UBE2Q2: variants seen among roughly 807,000 people sequenced by gnomAD.
UBE2Q2 encodes ubiquitin-conjugating enzyme E2 Q2.
UBE2Q2 carries 54 observed loss-of-function variants against 59.9 expected under a neutral mutation model. The ratio of observed to expected loss-of-function variants is 0.90; its 90% CI spans 0.72 to 1.13. The LOEUF (loss-of-function observed/expected upper bound fraction) is 1.13. Ranked by LOEUF, UBE2Q2 falls within the 50% of genes most tolerant of loss-of-function variation. The pLI, the probability that UBE2Q2 is intolerant of heterozygous loss-of-function variation, is 0.00. For missense variants in UBE2Q2, 433 were observed against 441.9 expected, an observed-to-expected ratio of 0.98 and a Z score of 0.18; for synonymous variants, 165 against 155.2, an observed-to-expected ratio of 1.06 and a Z score of -0.47.
At chr15:75,853,740 A>G (rs536485011) in intron 1 of UBE2Q2, among the ~76,000 whole-genome samples, 298 of 152,194 alleles carry the variant, frequency 2.0e-3, no homozygotes, top group Non-Finnish European at 3.5e-3. Flanking sequence ...CAGGCAGCGA[A>G]GTTGTTGGTG....
chr15:75,890,290 C>T (rs1442329621), intron 9 of UBE2Q2, 145 bp from the exon 10 acceptor site: 2 of 614,316 alleles, frequency 3.3e-6, no homozygotes, highest in Admixed American at 3.4e-5. Context: ...ACCCATAGTC[C>T]TGTATCCCTA....
At position 75,869,012 on chromosome 15, in the gene UBE2Q2, T is replaced by G. The variant is rs1406325014; in HGVS notation, c.447+2T>G. 9.3e-6 allele frequency: 15 copies of G among 1,609,922 alleles called. No homozygotes were observed. Among genetic ancestry groups the G allele is most frequent in the Non-Finnish European group, 1.3e-5 (15 of 1,177,150 alleles). Reference sequence around the variant, plus strand: ...GAAGAAGAAGAAGAGATGGCTGAAGTAGGTATTTTATATAAAAGAAGAGTT... The same window carrying G: ...GAAGAAGAAGAAGAGATGGCTGAAGGAGGTATTTTATATAAAAGAAGAGTT... On this transcript the variant is annotated splice_donor_variant, in intron 4 of 12. Coordinates refer to ENST00000267938, the MANE Select transcript of UBE2Q2 (RefSeq NM_173469.4). LOFTEE classifies it high-confidence loss of function.
At chr15:75,846,259 A>G (rs1272893525) in intron 1 of UBE2Q2, among the ~76,000 whole-genome samples, 1 of 152,026 alleles carries the variant, frequency 6.6e-6, no homozygotes, top group Admixed American at 6.6e-5. Context: ...ATTTTTTGAG[A>G]CGGAGTCTCG....
chr15:75,869,038 C>G (rs374927430), intron 4 of UBE2Q2, 28 bp downstream of exon 4: 37 of 1,577,282 alleles, frequency 2.3e-5, no homozygotes, highest in Non-Finnish European at 3.2e-5. Flanking sequence ...AAGAAGAGTT[C>G]ATAAATTTCT....
At chr15:75,878,060 G>C (rs2141632098) in intron 7 of UBE2Q2, 39 bp downstream of exon 7, 1 of 1,568,070 alleles carries the variant, frequency 6.4e-7, no homozygotes, top group Non-Finnish European at 8.8e-7. Context: ...CTTTGCAATG[G>C]TAGACTATCA....
chr15:75,854,207 T>C (rs563485651), intron 1 of UBE2Q2, among the ~76,000 whole-genome samples, 179 bp from the exon 2 acceptor site: 47 of 152,338 alleles, frequency 3.1e-4, no homozygotes, highest in African/African-American at 1.9e-4. Context: ...GACAGTGCTA[T>C]GCAAGGAGAA....
intron 6 of UBE2Q2, among the ~76,000 whole-genome samples, 171 bp from the exon 7 acceptor site, chr15:75,877,790 G>A (rs1156339011): frequency 6.6e-6 from 1 of 152,082 alleles, no homozygotes; most frequent in Admixed American, 6.6e-5. Flanking sequence ...ATCTGTTAAG[G>A]GCATAAGATA....
Position 75,862,934 on chromosome 15 carries a change from TATC to T in UBE2Q2, c.387+2953_387+2955del, listed in dbSNP as rs1317916577. Among the ~76,000 whole-genome samples, 3 of 151,774 alleles carry T rather than the reference TATC, an allele frequency of 2.0e-5. No individual in the cohort carries two copies. The East Asian group carries it at 5.8e-4, about 30-fold the overall frequency. On this transcript the variant is annotated intron_variant, in intron 3 of 12. Transcript: ENST00000267938. ...TCCCAATTGTTATTCCCTACCCCTC[TATC>T]TTATCTCCTGGTGCAATCATAAATG...
intron 1 of UBE2Q2, 26 bp downstream of exon 1, chr15:75,843,872 G>A (rs988870963): frequency 9.1e-6 from 14 of 1,535,014 alleles, no homozygotes; most frequent in Admixed American, 7.9e-5. Flanking sequence ...GCGGCCCCGC[G>A]GGGCAGGGCG....
chr15:75,876,349 A>G (rs767745872), intron 6 of UBE2Q2, 78 bp downstream of exon 6: 19 of 1,253,892 alleles, frequency 1.5e-5, no homozygotes, highest in Non-Finnish European at 2.1e-5. Flanking sequence ...GTCATTTCTT[A>G]AAACTGGACA....
chr15:75,870,535 A>G (rs1429982721), intron 4 of UBE2Q2, among the ~76,000 whole-genome samples: 1 of 152,330 alleles, frequency 6.6e-6, no homozygotes, highest in Admixed American at 6.5e-5. Flanking sequence ...CCATTGTACT[A>G]AAGTTCATGA....
chr15:75,869,281 C>T (rs2141603652), intron 4 of UBE2Q2, among the ~76,000 whole-genome samples: 1 of 152,244 alleles, frequency 6.6e-6, no homozygotes, highest in East Asian at 1.9e-4. Context: ...TAATACTAAT[C>T]AGTACTTAAT....
At chr15:75,891,175 T>C (rs1239260894) in intron 11 of UBE2Q2, among the ~76,000 whole-genome samples, 161 bp downstream of exon 11, 2 of 152,220 alleles carry the variant, frequency 1.3e-5, no homozygotes, top group South Asian at 2.1e-4. Context: ...TATGGAATTA[T>C]AAGAAAATTA....
chr15:75,844,345 A>G, intron 1 of UBE2Q2: 1 of 1,550,288 alleles, frequency 6.5e-7, no homozygotes, highest in East Asian at 2.4e-5. Context: ...GTTTAAGGAG[A>G]AACTGACAAT....
chr15:75,854,520 C>T, intron 2 of UBE2Q2, 33 bp downstream of exon 2: 2 of 1,356,912 alleles, frequency 1.5e-6, no homozygotes, highest in South Asian at 2.5e-5. Flanking sequence ...TTTCTCTTTT[C>T]CTCATGAACA....
chr15:75,865,507 T>G (rs190679673), intron 3 of UBE2Q2, among the ~76,000 whole-genome samples: 1 of 152,238 alleles, frequency 6.6e-6, no homozygotes, highest in African/African-American at 2.4e-5. Context: ...ATGGTACCCC[T>G]GTGCCAGCAT....
chr15:75,860,206 T>C lies in UBE2Q2; in HGVS notation c.387+224T>C, dbSNP rs78790719. 9.8e-3 allele frequency among the ~76,000 whole-genome samples: 1,489 copies of C among 152,354 alleles called. 29 individuals carry two copies. The highest frequency in any genetic ancestry group is 0.034 in the African/African-American group (1,398 of 41,576). On this transcript the variant is annotated intron_variant, in intron 3 of 12. Coordinates refer to ENST00000267938, the MANE Select transcript of UBE2Q2 (RefSeq NM_173469.4). The stretch of plus-strand genomic sequence containing the variant: ...ACAGGCAAACAATTGCCCTTCTCTC[T>C]ACCACCACCTTTTTGTTAATATTGC...
intron 4 of UBE2Q2, among the ~76,000 whole-genome samples, chr15:75,871,246 G>T (rs973023064): frequency 2.0e-5 from 3 of 152,222 alleles, no homozygotes; most frequent in Admixed American, 6.5e-5. Flanking sequence ...GCCCTAAGGC[G>T]GTTTTTCCCT....
chr15:75,853,208 A>C (rs554875040), intron 1 of UBE2Q2, among the ~76,000 whole-genome samples: 1 of 152,240 alleles, frequency 6.6e-6, no homozygotes, highest in Non-Finnish European at 1.5e-5. Flanking sequence ...TTAGTGGCTC[A>C]CGCCTGTAAT....
Sources: gnomAD v4.1 joint callset for allele counts (sites outside exome capture counted in the v4.1 genomes callset) on GRCh38, gnomAD v4.1.1 for gene constraint, MANE v1.5 for transcripts, NCBI Gene and HGNC (gene_info 2026-07-23, HGNC 2026-07-21) for gene names.